The following SYN2 variants were observed in gnomAD, a reference collection of about 807,000 sequenced individuals.
SYN2 encodes synapsin-2.
SYN2 carries 19 observed loss-of-function variants against 50.9 expected under a neutral mutation model. The ratio of observed to expected loss-of-function variants is 0.37; its 90% CI spans 0.26 to 0.55. The LOEUF (loss-of-function observed/expected upper bound fraction) is 0.55, where lower values mean the gene tolerates loss of function less well. Among genes scored for constraint, SYN2 ranks in the 20% least tolerant of loss-of-function variants. SYN2 has a pLI of 0.81. For synonymous variants in SYN2, 255 were observed against 224.9 expected (o/e 1.13, Z -1.20); for missense variants, 587 against 576.4 (o/e 1.02, Z -0.19).
rs552414621 is a variant in SYN2, at chr3:12,038,798, A to T, written c.377+33870A>T. ...GCTGAACTCATTTATTAGCTCTAAG[A>T]GTGTGTGTTCATGTTTGTGTGTATT... On this transcript the variant is annotated intron_variant, in intron 1 of 12. Transcript: ENST00000621198. Among the ~76,000 whole-genome samples the T allele has an allele frequency of 9.2e-5, 14 of 152,180 alleles. No individual in the cohort carries two copies. In the South Asian group the frequency reaches 2.9e-3, roughly 32 times the overall value.
intron 1 of SYN2, among the ~76,000 whole-genome samples, chr3:12,098,595 A>C (rs950593811): frequency 6.6e-6 from 1 of 151,980 alleles, no homozygotes; most frequent in Non-Finnish European, 1.5e-5. Context: ...AGGTATTTAA[A>C]TGGTATAGTA....
chr3:12,181,538 G>T (rs1251419692), intron 10 of SYN2, among the ~76,000 whole-genome samples: 1 of 152,214 alleles, frequency 6.6e-6, no homozygotes, highest in Non-Finnish European at 1.5e-5. Flanking sequence ...GAGTGCTGAT[G>T]ATACCTCATA....
chr3:12,022,715 T>C (rs749392217), intron 1 of SYN2, among the ~76,000 whole-genome samples: 2 of 151,828 alleles, frequency 1.3e-5, no homozygotes, highest in Non-Finnish European at 2.9e-5. Flanking sequence ...GCCTATTCTT[T>C]AAATTTTTTT....
Position 12,073,326 on chromosome 3 carries a change from C to T in SYN2, c.378-67325C>T, listed in dbSNP as rs73137658. Among the ~76,000 whole-genome samples, 596 of 152,274 alleles carry T rather than the reference C, an allele frequency of 3.9e-3. 2 individuals are homozygous for T. Among genetic ancestry groups the T allele is most frequent in the African/African-American group, 0.014 (562 of 41,558 alleles). ...CAGCGAGGTATAATAGTGGAGATGA[C>T]ATAGAGGCCTAAGTGCTTCTTAAAA... On this transcript the variant is annotated intron_variant, in intron 1 of 12. Transcript: ENST00000621198.
chr3:12,042,443 A>G (rs1218524171), intron 1 of SYN2, among the ~76,000 whole-genome samples: 1 of 152,146 alleles, frequency 6.6e-6, no homozygotes, highest in Non-Finnish European at 1.5e-5. Flanking sequence ...TTGAAATCCC[A>G]GTTTTCTTTA....
chr3:12,142,234 A>C (rs935534506), intron 3 of SYN2, among the ~76,000 whole-genome samples: 1 of 152,242 alleles, frequency 6.6e-6, no homozygotes, highest in African/African-American at 2.4e-5. Context: ...CTGAGAGCTC[A>C]CTTAGACATA....
At chr3:12,058,656 C>G (rs1183462340) in intron 1 of SYN2, among the ~76,000 whole-genome samples, 2 of 152,134 alleles carry the variant, frequency 1.3e-5, no homozygotes, top group Non-Finnish European at 2.9e-5. Context: ...AGTGCTGGAA[C>G]AGGGGGAGAG....
intron 1 of SYN2, among the ~76,000 whole-genome samples, chr3:12,129,903 G>A (rs540519530): frequency 2.6e-5 from 4 of 152,238 alleles, no homozygotes; most frequent in African/African-American, 7.2e-5. Context: ...GGTCATGAGA[G>A]CGGGGCCCTC....
intron 1 of SYN2, among the ~76,000 whole-genome samples, chr3:12,009,813 G>A (rs1288095385): frequency 6.6e-6 from 1 of 152,212 alleles, no homozygotes; most frequent in Non-Finnish European, 1.5e-5. Flanking sequence ...TAAAATGGTT[G>A]AAGAAGGTTG....
At chr3:12,050,606 A>G (rs903046084) in intron 1 of SYN2, among the ~76,000 whole-genome samples, 1 of 150,644 alleles carries the variant, frequency 6.6e-6, no homozygotes, top group Admixed American at 6.6e-5. Flanking sequence ...AGTCTCCCAA[A>G]GTGCTGGGAT....
chr3:12,015,755 T>G (rs1423923626), intron 1 of SYN2, among the ~76,000 whole-genome samples: 1 of 152,200 alleles, frequency 6.6e-6, no homozygotes, highest in African/African-American at 2.4e-5. Context: ...GCTCTCTGCT[T>G]CTCCTCTCTC....
chr3:12,129,866 C>A (rs1053472995), intron 1 of SYN2, among the ~76,000 whole-genome samples: 1 of 151,924 alleles, frequency 6.6e-6, no homozygotes, highest in Non-Finnish European at 1.5e-5. Context: ...GAGGTGGGGC[C>A]TTTGGGAGGT....
intron 1 of SYN2, among the ~76,000 whole-genome samples, chr3:12,134,585 A>C (rs1696857169): frequency 6.6e-6 from 1 of 152,186 alleles, no homozygotes; most frequent in African/African-American, 2.4e-5. Flanking sequence ...AGGCAGGGAG[A>C]ATGGCTCCCT....
At chr3:12,109,543 A>G (rs1696270473) in intron 1 of SYN2, among the ~76,000 whole-genome samples, 1 of 152,228 alleles carries the variant, frequency 6.6e-6, no homozygotes, top group African/African-American at 2.4e-5. Context: ...TAAAAAGGGA[A>G]TATGTGAACA....
chr3:12,063,223 CA>C (rs1265055433), intron 1 of SYN2, among the ~76,000 whole-genome samples: 1 of 151,628 alleles, frequency 6.6e-6, no homozygotes, highest in Non-Finnish European at 1.5e-5. Flanking sequence ...ATAATGTTTG[CA>C]AAATTTTAAA....
chr3:12,158,629 T>A, intron 5 of SYN2: 1 of 1,584,486 alleles, frequency 6.3e-7, no homozygotes, highest in Non-Finnish European at 8.6e-7. Context: ...TCTGGACTCC[T>A]GGTGTACTGC....
intron 1 of SYN2, among the ~76,000 whole-genome samples, chr3:12,026,828 A>G (rs1188550015): frequency 1.3e-5 from 2 of 152,166 alleles, no homozygotes; most frequent in Non-Finnish European, 2.9e-5. Flanking sequence ...CTAATCTGCA[A>G]CTGCATGTTA....
intron 1 of SYN2, among the ~76,000 whole-genome samples, chr3:12,050,556 G>A (rs1360982673): frequency 1.3e-5 from 2 of 150,980 alleles, no homozygotes; most frequent in Non-Finnish European, 3.0e-5. Context: ...ATATTGGCTA[G>A]GCTGGTCTTG....
At chr3:12,051,122 A>G (rs1400807220) in intron 1 of SYN2, among the ~76,000 whole-genome samples, 1 of 152,208 alleles carries the variant, frequency 6.6e-6, no homozygotes, top group African/African-American at 2.4e-5. Context: ...AAGTCATTAG[A>G]AAATTCTGGA....
Sources: allele counts gnomAD v4.1 joint callset (sites outside exome capture counted in the v4.1 genomes callset), GRCh38; gene constraint gnomAD v4.1.1; transcripts MANE v1.5; gene names NCBI Gene and HGNC (gene_info 2026-07-23, HGNC 2026-07-21).